The following FAM13A variants were observed in gnomAD, a reference collection of about 807,000 sequenced individuals.
FAM13A encodes family with sequence similarity 13 member A, also known as protein FAM13A.
Under a neutral mutation model 129.6 loss-of-function variants are expected in FAM13A, and 76 were observed. That is an observed-to-expected ratio of 0.59 (90% CI 0.49 to 0.71). The LOEUF (loss-of-function observed/expected upper bound fraction) is 0.71, where lower values mean the gene tolerates loss of function less well. Among genes scored for constraint, FAM13A ranks in the 30% least tolerant of loss-of-function variants. The pLI is 0.00. For synonymous variants in FAM13A, 443 were observed against 449.9 expected, an observed-to-expected ratio of 0.98 and a Z score of 0.20; for missense variants, 1,108 against 1,249.3, an observed-to-expected ratio of 0.89 and a Z score of 1.70.
intron 23 of FAM13A, chr4:88,729,029 A>C (rs558250285): frequency 6.9e-6 from 1 of 144,316 alleles, no homozygotes; most frequent in Admixed American, 6.9e-5. Context: ...GAAATTTTAA[A>C]TTTTTAATTA....
At chr4:89,048,195 C>T (rs1303619293) in intron 1 of FAM13A, among the ~76,000 whole-genome samples, 1 of 152,080 alleles carries the variant, frequency 6.6e-6, no homozygotes, top group African/African-American at 2.4e-5. Flanking sequence ...TATTAATGTT[C>T]CTAGCAGCAT....
intron 1 of FAM13A, among the ~76,000 whole-genome samples, chr4:89,052,371 C>T (rs145427583): frequency 0.019 from 2,842 of 150,512 alleles, 39 homozygotes; most frequent in Non-Finnish European, 0.03. Context: ...AGGTTAGTTA[C>T]ATATGTATAC....
chr4:88,774,034 C>T (rs1035568609), intron 11 of FAM13A, among the ~76,000 whole-genome samples: 1 of 152,080 alleles, frequency 6.6e-6, no homozygotes, highest in Non-Finnish European at 1.5e-5. Flanking sequence ...TCCTACAATG[C>T]TCCTCTCAAC....
At chr4:88,736,416 C>T (rs1255424844) in intron 21 of FAM13A, 1 of 152,044 alleles carries the variant, frequency 6.6e-6, no homozygotes, top group Non-Finnish European at 1.5e-5. Context: ...GACAAGAGGG[C>T]CCCATATACT....
chr4:88,932,663 T>C (rs2148787948), intron 5 of FAM13A, among the ~76,000 whole-genome samples: 1 of 152,338 alleles, frequency 6.6e-6, no homozygotes, highest in South Asian at 2.1e-4. Flanking sequence ...GAAGTTTCTG[T>C]GATATATCAG....
chr4:88,959,899 C>A (rs916051805), intron 4 of FAM13A, among the ~76,000 whole-genome samples: 1 of 152,138 alleles, frequency 6.6e-6, no homozygotes, highest in Non-Finnish European at 1.5e-5. Flanking sequence ...AGGTTTAAAA[C>A]CAAATTCAAA....
At chr4:88,880,023 C>T (rs542698622) in intron 6 of FAM13A, among the ~76,000 whole-genome samples, 4 of 152,102 alleles carry the variant, frequency 2.6e-5, no homozygotes, top group African/African-American at 9.6e-5. Flanking sequence ...TCACACCTAC[C>T]TATATTATTA....
intron 6 of FAM13A, among the ~76,000 whole-genome samples, chr4:88,891,100 C>T (rs1000708189): frequency 9.2e-5 from 14 of 152,084 alleles, no homozygotes; most frequent in African/African-American, 3.4e-4. Context: ...ATTGATAGTC[C>T]CAATCTTAAA....
At chr4:88,963,819 A>T (rs1420933118) in intron 4 of FAM13A, among the ~76,000 whole-genome samples, 1 of 152,140 alleles carries the variant, frequency 6.6e-6, no homozygotes, top group East Asian at 1.9e-4. Flanking sequence ...AACATACTAT[A>T]CTCAATTTAA....
intron 5 of FAM13A, among the ~76,000 whole-genome samples, chr4:88,923,092 T>C (rs990567611): frequency 3.5e-4 from 54 of 152,120 alleles, no homozygotes; most frequent in Non-Finnish European, 6.8e-4. Flanking sequence ...CAGGACCAGA[T>C]GGATTCACAG....
At chr4:88,922,382 T>G (rs1751268385) in intron 5 of FAM13A, among the ~76,000 whole-genome samples, 1 of 151,818 alleles carries the variant, frequency 6.6e-6, no homozygotes. Flanking sequence ...AAACTAGAAC[T>G]CAGGATTAAG....
At chr4:88,876,083 C>G (rs183547471) in intron 6 of FAM13A, among the ~76,000 whole-genome samples, 1 of 152,040 alleles carries the variant, frequency 6.6e-6, no homozygotes, top group African/African-American at 2.4e-5. Flanking sequence ...TAGGTAAGAA[C>G]TGAACAATGA....
chr4:88,984,624 A>G (rs1338569058), intron 4 of FAM13A, among the ~76,000 whole-genome samples: 1 of 152,208 alleles, frequency 6.6e-6, no homozygotes, highest in East Asian at 1.9e-4. Flanking sequence ...TAAAAAAGAT[A>G]TTAACAAGGA....
intron 5 of FAM13A, among the ~76,000 whole-genome samples, chr4:88,933,540 C>A: frequency 6.6e-6 from 1 of 152,108 alleles, no homozygotes; most frequent in South Asian, 2.1e-4. Context: ...AGCTCAACCT[C>A]CAAAATCAGT....
At chr4:88,768,291 A>G in intron 11 of FAM13A, 1 of 343,274 alleles carries the variant, frequency 2.9e-6, no homozygotes, top group Non-Finnish European at 5.3e-6. Context: ...ATGTGACAGC[A>G]TCACAGAAAT....
At chr4:88,924,566 AAG>A in intron 5 of FAM13A, among the ~76,000 whole-genome samples, 2 of 152,356 alleles carry the variant, frequency 1.3e-5, no homozygotes, top group East Asian at 3.9e-4. Flanking sequence ...AGATGGATTA[AAG>A]ACTTAAACTT....
chr4:88,862,839 G>C (rs986282510), intron 6 of FAM13A, among the ~76,000 whole-genome samples: 5 of 151,748 alleles, frequency 3.3e-5, no homozygotes, highest in African/African-American at 1.2e-4. Context: ...AGATCCATGA[G>C]TTGCTAGGCT....
chr4:88,751,531 T>A (rs1481270537), intron 14 of FAM13A, among the ~76,000 whole-genome samples: 1 of 151,986 alleles, frequency 6.6e-6, no homozygotes. Context: ...TAGAGTGAGA[T>A]GCATACATAA....
At chr4:88,921,291 C>T (rs1381452100) in intron 5 of FAM13A, among the ~76,000 whole-genome samples, 6 of 152,116 alleles carry the variant, frequency 3.9e-5, no homozygotes. Context: ...ATGTTAAGGG[C>T]AGCCAGAGAG....
Sources: gnomAD v4.1 joint callset for allele counts (sites outside exome capture counted in the v4.1 genomes callset) on GRCh38, gnomAD v4.1.1 for gene constraint, MANE v1.5 for transcripts, NCBI Gene and HGNC (gene_info 2026-07-23, HGNC 2026-07-21) for gene names.